The following ANKS1B variants were observed in gnomAD, a reference collection of about 807,000 sequenced individuals.
The protein encoded by ANKS1B is ankyrin repeat and sterile alpha motif domain-containing protein 1B.
ANKS1B carries 36 observed loss-of-function variants against 148.3 expected under a neutral mutation model. The ratio of observed to expected loss-of-function variants is 0.24; its 90% CI spans 0.19 to 0.32. The LOEUF is 0.32. Ranked by LOEUF, ANKS1B falls within the 10% of genes least tolerant of loss-of-function variation. ANKS1B has a pLI of 1.00. For missense variants in ANKS1B, 1,157 were observed against 1,542.6 expected, an observed-to-expected ratio of 0.75 and a Z score of 4.19; for synonymous variants, 542 against 560.8, an observed-to-expected ratio of 0.97 and a Z score of 0.47.
intron 2 of ANKS1B, among the ~76,000 whole-genome samples, chr12:99,814,358 T>C (rs2068829774): frequency 6.6e-6 from 1 of 151,666 alleles, no homozygotes; most frequent in Non-Finnish European, 1.5e-5. Flanking sequence ...ACTCAATAAA[T>C]AGTAAAGCAC....
chr12:98,979,571 A>G (rs1194557733), intron 17 of ANKS1B, among the ~76,000 whole-genome samples: 2 of 152,008 alleles, frequency 1.3e-5, no homozygotes, highest in African/African-American at 4.8e-5. Flanking sequence ...GCGCCCAGCT[A>G]TCTTTCTCTG....
At chr12:99,956,040 C>T (rs551151338) in intron 1 of ANKS1B, among the ~76,000 whole-genome samples, 2 of 151,942 alleles carry the variant, frequency 1.3e-5, no homozygotes, top group African/African-American at 2.4e-5. Context: ...TTTGGGAGGC[C>T]GAGGCAGGCA....
At chr12:99,872,005 T>G (rs1481188029) in intron 1 of ANKS1B, among the ~76,000 whole-genome samples, 2 of 152,128 alleles carry the variant, frequency 1.3e-5, no homozygotes, top group African/African-American at 2.4e-5. Flanking sequence ...TTGCATTAGC[T>G]AAAATTAACA....
chr12:99,560,755 T>G (rs2153195682), intron 9 of ANKS1B, among the ~76,000 whole-genome samples: 1 of 152,114 alleles, frequency 6.6e-6, no homozygotes, highest in East Asian at 1.9e-4. Flanking sequence ...TGGTGGAGGG[T>G]CTTGCCTCAG....
chr12:99,154,456 G>C, intron 14 of ANKS1B, 61 bp from the exon 15 acceptor site: 1 of 1,613,172 alleles, frequency 6.2e-7, no homozygotes, highest in Non-Finnish European at 8.5e-7. Context: ...GGGTAATAGC[G>C]GTAGTCCTGG....
At chr12:99,143,757 A>C (rs559802093) in intron 15 of ANKS1B, among the ~76,000 whole-genome samples, 1 of 152,032 alleles carries the variant, frequency 6.6e-6, no homozygotes. Flanking sequence ...TAGACTGCTT[A>C]ATATCTGTAT....
chr12:99,286,112 C>T (rs1364086345), intron 12 of ANKS1B, among the ~76,000 whole-genome samples: 1 of 151,642 alleles, frequency 6.6e-6, no homozygotes, highest in Non-Finnish European at 1.5e-5. Flanking sequence ...TCAGCCAACT[C>T]CAGGCAGCAC....
In ANKS1B at chr12:99,703,691, A is replaced by G. The variant is rs191307390; in HGVS notation, c.1129-48481T>C. Among the ~76,000 whole-genome samples the G allele has an allele frequency of 3.5e-4, 53 of 152,184 alleles. No individual in the cohort carries two copies. The East Asian group carries it at 8.1e-3, about 23-fold the overall frequency. ...CTGTTTTGTTCTCTACTCCCAGGAT[A>G]TATTTCTGTACTTGTCTCATAATTC... On this transcript the variant is annotated intron_variant, in intron 8 of 26. Transcript: ENST00000683438.
chr12:99,793,438 T>C (rs11110043), intron 4 of ANKS1B, among the ~76,000 whole-genome samples: 17,285 of 151,584 alleles, frequency 0.11, 1,129 homozygotes, highest in African/African-American at 0.15. Context: ...CTTCAAATTA[T>C]ACTACAAATC....
intron 9 of ANKS1B, among the ~76,000 whole-genome samples, chr12:99,606,199 ATTGAG>A (rs1048072982): frequency 2.0e-5 from 3 of 151,616 alleles, no homozygotes; most frequent in African/African-American, 7.3e-5. Context: ...CTTTTTTCCT[ATTGAG>A]TTGTCTGGTT....
At chr12:99,280,170 G>A (rs1392875200) in intron 12 of ANKS1B, among the ~76,000 whole-genome samples, 3 of 130,940 alleles carry the variant, frequency 2.3e-5, no homozygotes, top group African/African-American at 3.9e-5. Flanking sequence ...GTGTGTGTGT[G>A]TATGTGTGTG....
intron 9 of ANKS1B, among the ~76,000 whole-genome samples, chr12:99,552,096 C>A (rs2097224883): frequency 6.6e-6 from 1 of 151,948 alleles, no homozygotes; most frequent in African/African-American, 2.4e-5. Flanking sequence ...CTTTAGGACT[C>A]AGTTTCTACA....
At chr12:99,256,758 T>G (rs1479226468) in intron 12 of ANKS1B, among the ~76,000 whole-genome samples, 2 of 152,178 alleles carry the variant, frequency 1.3e-5, no homozygotes, top group Non-Finnish European at 2.9e-5. Flanking sequence ...GATCCATCCT[T>G]TCTCTCCACC....
intron 8 of ANKS1B, among the ~76,000 whole-genome samples, chr12:99,660,308 T>C (rs2098470036): frequency 6.6e-6 from 1 of 152,060 alleles, no homozygotes; most frequent in Non-Finnish European, 1.5e-5. Flanking sequence ...AATTCATAAA[T>C]GAGAAATTGT....
At chr12:99,056,824 G>A (rs552097419) in intron 16 of ANKS1B, among the ~76,000 whole-genome samples, 1 of 152,136 alleles carries the variant, frequency 6.6e-6, no homozygotes, top group Non-Finnish European at 1.5e-5. Context: ...TTCAGGACTG[G>A]CTTCTCTTCT....
chr12:99,189,030 A>T (rs2080275797), intron 14 of ANKS1B, among the ~76,000 whole-genome samples: 1 of 152,258 alleles, frequency 6.6e-6, no homozygotes, highest in Admixed American at 6.5e-5. Context: ...ATCCCAAGGA[A>T]ATACAAACTA....
intron 9 of ANKS1B, among the ~76,000 whole-genome samples, chr12:99,533,524 T>A (rs1465446557): frequency 6.6e-6 from 1 of 152,222 alleles, no homozygotes; most frequent in Non-Finnish European, 1.5e-5. Context: ...TGGATGTTCT[T>A]TCTTTCTCTT....
At chr12:98,832,661 G>C (rs1327431193) in intron 17 of ANKS1B, among the ~76,000 whole-genome samples, 5 of 152,138 alleles carry the variant, frequency 3.3e-5, no homozygotes, top group Admixed American at 6.5e-5. Flanking sequence ...GACTTCTCAT[G>C]GTTCTGGACA....
chr12:99,217,858 G>A (rs2084466861), intron 14 of ANKS1B, among the ~76,000 whole-genome samples: 1 of 152,132 alleles, frequency 6.6e-6, no homozygotes, highest in African/African-American at 2.4e-5. Flanking sequence ...TTATACAGAT[G>A]AAGAAACTGA....
Sources: gnomAD v4.1 joint callset for allele counts (sites outside exome capture counted in the v4.1 genomes callset) on GRCh38, gnomAD v4.1.1 for gene constraint, MANE v1.5 for transcripts, NCBI Gene and HGNC (gene_info 2026-07-23, HGNC 2026-07-21) for gene names.